The following NBEA variants were observed in gnomAD, a reference collection of about 807,000 sequenced individuals.
The protein encoded by NBEA is lysosomal-trafficking regulator 2.
A neutral mutation model predicts 343.4 loss-of-function variants in NBEA; 44 were observed. The ratio of observed to expected loss-of-function variants is 0.13; its 90% CI spans 0.10 to 0.16. The LOEUF (loss-of-function observed/expected upper bound fraction) is 0.16. Among genes scored for constraint, NBEA ranks in the 10% least tolerant of loss-of-function variants. The probability of loss-of-function intolerance (pLI) is 1.00; values close to 1 mark genes in which losing one functional copy is unlikely to be tolerated. For synonymous variants in NBEA, 1,175 were observed against 1,238.7 expected (o/e 0.95, Z 1.08); for missense variants, 2,555 against 3,631.3 (o/e 0.70, Z 7.62).
In NBEA at chr13:35,159,872, A is replaced by G. The variant is rs979191048; in HGVS notation, c.3701A>G (p.Tyr1234Cys). The G allele has an allele frequency of 3.2e-5, 51 of 1,604,160 alleles. No individual in the cohort carries two copies. Among genetic ancestry groups the G allele is most frequent in the Non-Finnish European group, 4.2e-5 (49 of 1,174,818 alleles). ...GCGTCATCAACTAAGGGGCTGGAGT[A>G]TGCTGAAATGACTGCTACAACTCTG... Reference protein sequence around the residue: ...DLASSTKGLEYAEMTATTLET... With the variant: ...DLASSTKGLECAEMTATTLET... Residue 1234 changes from tyrosine (Y) to cysteine (C), a missense_variant, in exon 22 of 59, where the codon TAT (tyrosine) becomes TGT (cysteine). Physicochemically the swap from Tyr to Cys is radical, Grantham distance 194 (BLOSUM62 -2). This residue lies in a region of NBEA where 367 missense variants were observed against 377.5 expected (regional missense o/e 0.97). Coordinates refer to ENST00000379939, the MANE Select transcript of NBEA (RefSeq NM_001385012.1).
rs184729153 is a variant in NBEA at position 35,365,781 on chromosome 13, G to A, written c.6179+13458G>A. Among the ~76,000 whole-genome samples, 601 of 151,662 alleles carry A rather than the reference G, an allele frequency of 4.0e-3. 2 individuals are homozygous for A. The highest frequency in any genetic ancestry group is 6.0e-3 in the Non-Finnish European group (403 of 67,634). On this transcript the variant is annotated intron_variant, in intron 38 of 58. Transcript: ENST00000379939. ...AGGTTTAGAAATTTGAATTCTGACC[G>A]CCTTTTTCTCTGTAAATATCCTTTT...
At chr13:35,411,679 G>A (rs2043596424) in intron 38 of NBEA, among the ~76,000 whole-genome samples, 2 of 151,134 alleles carry the variant, frequency 1.3e-5, no homozygotes, top group Admixed American at 6.6e-5. Context: ...TTTAGTTTTT[G>A]TAGATAAAGG....
At chr13:34,997,801 G>T (rs1261690514) in intron 1 of NBEA, among the ~76,000 whole-genome samples, 1 of 152,036 alleles carries the variant, frequency 6.6e-6, no homozygotes, top group Non-Finnish European at 1.5e-5. Context: ...CTACTGTTAG[G>T]TGCTTGTTTG....
At position 35,159,559 on chromosome 13, in the gene NBEA, A is replaced by T. The variant is rs1185522726; in HGVS notation, c.3388A>T (p.Ile1130Leu). ...KNEEKDNGPL[I>L]TLADEKEDLP... ...TGAAGAAAAGGATAATGGTCCATTG[A>T]TAACATTAGCAGATGAGAAAGAAGA... Residue 1130 changes from isoleucine to leucine, a missense_variant, in exon 22 of 59, where the codon ATA becomes TTA. Transcript: ENST00000379939. 1.2e-6 allele frequency: 2 copies of T among 1,612,560 alleles called. No individual in the cohort carries two copies. The highest frequency in any genetic ancestry group is 1.7e-6 in the Non-Finnish European group (2 of 1,179,476).
intron 1 of NBEA, among the ~76,000 whole-genome samples, chr13:34,962,266 G>T (rs2059685486): frequency 6.6e-6 from 1 of 151,946 alleles, no homozygotes; most frequent in Admixed American, 6.6e-5. Flanking sequence ...TTCTCTCTAT[G>T]TGTGCATATG....
At chr13:34,970,989 A>G (rs1388391563) in intron 1 of NBEA, among the ~76,000 whole-genome samples, 1 of 151,944 alleles carries the variant, frequency 6.6e-6, no homozygotes, top group African/African-American at 2.4e-5. Flanking sequence ...AATGATATTG[A>G]TTTTTCCTAT....
intron 45 of NBEA, among the ~76,000 whole-genome samples, chr13:35,578,691 T>C (rs778364986): frequency 4.6e-5 from 7 of 152,164 alleles, no homozygotes; most frequent in Non-Finnish European, 8.8e-5. Context: ...TACAAATATA[T>C]AGTATCATCA....
At position 35,159,235 on chromosome 13, in the gene NBEA, A is replaced by G. The variant is rs2069387344; in HGVS notation, c.3064A>G (p.Thr1022Ala). Reference protein sequence around the residue: ...PESETDYPVSTDTRDLLMSTK... With the variant: ...PESETDYPVSADTRDLLMSTK... ...AAGTGAGACCGATTACCCTGTCAGC[A>G]CAGATACTCGAGACTTACTCATGTC... The change falls in exon 22 of 59, where the codon ACA becomes GCA. Residue 1022 changes from threonine (T) to alanine (A), a missense_variant. Physicochemically the swap from Thr to Ala is moderately conservative, Grantham distance 58. This residue lies in a region of NBEA where 367 missense variants were observed against 377.5 expected (regional missense o/e 0.97). Transcript: ENST00000379939. 1 of 1,613,614 alleles carries G rather than the reference A, an allele frequency of 6.2e-7. No individual in the cohort carries two copies. Among genetic ancestry groups the G allele is most frequent in the Non-Finnish European group, 8.5e-7 (1 of 1,179,658 alleles).
At chr13:34,977,946 G>C (rs1313909035) in intron 1 of NBEA, among the ~76,000 whole-genome samples, 1 of 151,992 alleles carries the variant, frequency 6.6e-6, no homozygotes, top group Non-Finnish European at 1.5e-5. Flanking sequence ...CTCCTGAATA[G>C]CTCCCATTAT....
chr13:35,545,974 T>C (rs2079040251), intron 41 of NBEA, among the ~76,000 whole-genome samples: 2 of 152,334 alleles, frequency 1.3e-5, no homozygotes, highest in South Asian at 4.1e-4. Flanking sequence ...GGAGTCAAAA[T>C]GCACATACTC....
At position 35,401,557 on chromosome 13, in the gene NBEA, A is replaced by G. The variant is rs1396165295; in HGVS notation, c.6180-30712A>G. Among the ~76,000 whole-genome samples the G allele has an allele frequency of 8.5e-5, 13 of 152,148 alleles. No homozygotes were observed. In the East Asian group the frequency reaches 2.3e-3, roughly 27 times the overall value. ...TAAAGTTAGTTAATCAAGTCTTCCT[A>G]AGTGTATTCTAAAACATTTGTTACA... On this transcript the variant is annotated intron_variant, in intron 38 of 58. Transcript: ENST00000379939.
intron 34 of NBEA, among the ~76,000 whole-genome samples, chr13:35,272,003 G>A (rs1458219839): frequency 1.3e-5 from 2 of 151,978 alleles, no homozygotes; most frequent in Non-Finnish European, 2.9e-5. Flanking sequence ...GAAATACAGA[G>A]AACACCACAA....
At chr13:35,027,342 G>T (rs952024363) in intron 1 of NBEA, among the ~76,000 whole-genome samples, 1 of 150,910 alleles carries the variant, frequency 6.6e-6, no homozygotes, top group African/African-American at 2.4e-5. Context: ...CAGAGTGATT[G>T]TACCATTTTA....
intron 47 of NBEA, among the ~76,000 whole-genome samples, chr13:35,595,046 C>T (rs2081722030): frequency 6.6e-6 from 1 of 151,396 alleles, no homozygotes; most frequent in Non-Finnish European, 1.5e-5. Context: ...GGGGGTCAGT[C>T]ATTCTAATTT....
chr13:35,310,962 T>C (rs552051008), intron 36 of NBEA, among the ~76,000 whole-genome samples: 222 of 152,304 alleles, frequency 1.5e-3, no homozygotes, highest in Non-Finnish European at 2.0e-3. Context: ...AGAAATATCT[T>C]CTGTTTTTAT....
At chr13:35,520,748 C>G (rs1477346026) in intron 41 of NBEA, among the ~76,000 whole-genome samples, 1 of 152,172 alleles carries the variant, frequency 6.6e-6, no homozygotes. Context: ...GAAAAGAACA[C>G]AGTCTTCTGG....
At position 35,606,421 on chromosome 13, in the gene NBEA, G is replaced by T; in HGVS notation, c.7297-5G>T. 7.0e-7 allele frequency: 1 copy of T among 1,437,796 alleles called. No homozygotes were observed. Among genetic ancestry groups the T allele is most frequent in the Admixed American group, 2.3e-5 (1 of 42,628 alleles). 89.1% of individuals were successfully genotyped at this position (1,437,796 alleles called of 1,614,324 possible). On this transcript the variant is annotated splice_region_variant and splice_polypyrimidine_tract_variant and intron_variant, in intron 47 of 58. Transcript: ENST00000379939. ...TTTAATATGCTTCATTTTTATTCCT[G>T]ATAGGAACTAATTCCAGAGTTCTAC...
intron 33 of NBEA, among the ~76,000 whole-genome samples, chr13:35,221,188 AC>A (rs1224295161): frequency 2.6e-5 from 4 of 152,078 alleles, no homozygotes; most frequent in Non-Finnish European, 5.9e-5. Context: ...TGCTAAAAAT[AC>A]AAAAATTAGC....
chr13:35,377,996 C>T (rs2041834522), intron 38 of NBEA, among the ~76,000 whole-genome samples: 1 of 152,036 alleles, frequency 6.6e-6, no homozygotes, highest in Admixed American at 6.6e-5. Flanking sequence ...CAAAATAGAG[C>T]CCTGTCTTAG....
Sources: gnomAD v4.1 joint callset for allele counts (sites outside exome capture counted in the v4.1 genomes callset) on GRCh38, gnomAD v4.1.1 for gene constraint, gnomAD v4.1.1 regional missense constraint, MANE v1.5 for transcripts, NCBI Gene and HGNC (gene_info 2026-07-23, HGNC 2026-07-21) for gene names.